Variants in AP3S1 observed in about 807,000 individuals in gnomAD.
The protein encoded by AP3S1 is AP-3 complex subunit sigma-1.
Under a neutral mutation model 21.3 loss-of-function variants are expected in AP3S1, and 12 were observed. The observed-to-expected ratio is 0.56, with a 90% CI of 0.36 to 0.91. The LOEUF (loss-of-function observed/expected upper bound fraction) is 0.91. Among genes scored for constraint, AP3S1 ranks in the 40% least tolerant of loss-of-function variants. AP3S1 has a pLI of 0.01. For missense variants in AP3S1, 116 were observed against 225.0 expected (o/e 0.52, Z 3.10); for synonymous variants, 48 against 78.4 (o/e 0.61, Z 2.05).
intron 1 of AP3S1, among the ~76,000 whole-genome samples, chr5:115,858,259 C>CCCAAAAATTTTGCTG (rs1392812023): frequency 6.6e-6 from 1 of 152,128 alleles, no homozygotes; most frequent in Non-Finnish European, 1.5e-5. Flanking sequence ...TGGCATGCTG[C>CCCAAAAATTTTGCTG]CCAAAAATTT....
chr5:115,895,230 C>A, intron 4 of AP3S1, 72 bp downstream of exon 4: 1 of 1,032,922 alleles, frequency 9.7e-7, no homozygotes. Flanking sequence ...GCAAAAATGG[C>A]TTTAATGAAT....
chr5:115,866,641 C>T, intron 1 of AP3S1, 29 bp from the exon 2 acceptor site: 1 of 1,482,280 alleles, frequency 6.7e-7, no homozygotes, highest in Non-Finnish European at 9.3e-7. Flanking sequence ...TACACTCCAT[C>T]CTAATATATA....
At chr5:115,860,181 TTC>T (rs1763072324) in intron 1 of AP3S1, among the ~76,000 whole-genome samples, 1 of 152,236 alleles carries the variant, frequency 6.6e-6, no homozygotes, top group Non-Finnish European at 1.5e-5. Context: ...ATATCTGTGA[TTC>T]TTTTTCTCTA....
At position 115,913,598 on chromosome 5, in the gene AP3S1, T is replaced by C. The variant is rs1752278851; in HGVS notation, c.*108T>C. 6.7e-7 allele frequency: 1 copy of C among 1,494,182 alleles called. No individual in the cohort carries two copies. The allele number at this position is 1,494,182 out of a possible 1,614,324, so 92.6% of individuals were successfully genotyped here. A position where few individuals can be genotyped will look rare whatever the true frequency, so the allele number is the denominator to read the frequency against. ...GGAGGAGAGTCTTAACTTTTGCTCT[T>C]GGATTTAAGTCAAGGTACTGTATAG... On this transcript the variant is annotated 3_prime_UTR_variant, in exon 6 of 6. Transcript: ENST00000316788.
At chr5:115,903,589 T>C (rs958902565) in intron 5 of AP3S1, 2 of 152,406 alleles carry the variant, frequency 1.3e-5, no homozygotes, top group African/African-American at 4.8e-5. Context: ...TATATATCCA[T>C]GGTCTTTATT....
chr5:115,894,535 G>A (rs769298352), intron 3 of AP3S1, among the ~76,000 whole-genome samples: 1 of 152,192 alleles, frequency 6.6e-6, no homozygotes, highest in Non-Finnish European at 1.5e-5. Context: ...TGCAGAGTTT[G>A]AGCAACGCAA....
At chr5:115,866,137 G>GT (rs1763597000) in intron 1 of AP3S1, among the ~76,000 whole-genome samples, 2 of 152,150 alleles carry the variant, frequency 1.3e-5, no homozygotes. Flanking sequence ...CTTGGTCCAG[G>GT]TTAATAAATG....
intron 3 of AP3S1, among the ~76,000 whole-genome samples, chr5:115,891,341 C>T (rs1412763870): frequency 6.6e-6 from 1 of 152,042 alleles, no homozygotes; most frequent in Non-Finnish European, 1.5e-5. Flanking sequence ...TGCTGGGTGT[C>T]CTGTAATTCA....
chr5:115,911,347 A>G (rs988605773), intron 5 of AP3S1, among the ~76,000 whole-genome samples: 1 of 152,022 alleles, frequency 6.6e-6, no homozygotes, highest in Non-Finnish European at 1.5e-5. Flanking sequence ...ACACACACAC[A>G]CACGCACAAT....
chr5:115,882,721 G>A (rs1422179106), intron 3 of AP3S1, among the ~76,000 whole-genome samples: 6 of 152,192 alleles, frequency 3.9e-5, no homozygotes, highest in Admixed American at 1.3e-4. Context: ...ATCAGAGCTC[G>A]AGCACTGTGC....
chr5:115,843,659 G>A (rs150481722), intron 1 of AP3S1, among the ~76,000 whole-genome samples: 28 of 152,280 alleles, frequency 1.8e-4, no homozygotes, highest in African/African-American at 6.7e-4. Context: ...AAGGTATGTT[G>A]CAATAGTAAA....
At chr5:115,892,543 G>A (rs867514635) in intron 3 of AP3S1, among the ~76,000 whole-genome samples, 57 of 152,280 alleles carry the variant, frequency 3.7e-4, no homozygotes, top group African/African-American at 1.3e-3. Context: ...TTAAGTGAAA[G>A]AAGCCAGACA....
intron 3 of AP3S1, among the ~76,000 whole-genome samples, chr5:115,871,610 A>G (rs1748256512): frequency 6.6e-6 from 1 of 152,086 alleles, no homozygotes; most frequent in South Asian, 2.1e-4. Flanking sequence ...CTTAAATTTC[A>G]TAATCATGGT....
At chr5:115,847,855 G>A (rs1309264417) in intron 1 of AP3S1, among the ~76,000 whole-genome samples, 1 of 152,092 alleles carries the variant, frequency 6.6e-6, no homozygotes, top group Non-Finnish European at 1.5e-5. Flanking sequence ...CTTGTAATAT[G>A]CAATACTGAA....
intron 1 of AP3S1, among the ~76,000 whole-genome samples, chr5:115,860,403 G>T (rs902475429): frequency 6.6e-6 from 1 of 152,068 alleles, no homozygotes; most frequent in East Asian, 1.9e-4. Flanking sequence ...CGTTTTTCTG[G>T]CTACCACAGT....
In AP3S1 at chr5:115,895,355, G is replaced by A. The variant is rs370212277; in HGVS notation, c.345+197G>A. 3.8e-3 allele frequency among the ~76,000 whole-genome samples: 573 copies of A among 152,148 alleles called. 3 individuals are homozygous for A. The highest frequency in any genetic ancestry group is 0.013 in the African/African-American group (537 of 41,490). On this transcript the variant is annotated intron_variant, in intron 4 of 5. Transcript: ENST00000316788. ...TGCCTTAGAGGAGTTCACATCGAAG[G>A]GTGGAAACAACGGCATTAACAAATA... is the stretch of plus-strand genomic sequence containing the variant.
chr5:115,849,903 A>AC (rs1416022249), intron 1 of AP3S1, among the ~76,000 whole-genome samples: 1 of 152,098 alleles, frequency 6.6e-6, no homozygotes, highest in East Asian at 1.9e-4. Context: ...CTAAAAAAAA[A>AC]ACAAAAACAA....
At chr5:115,895,943 A>G (rs1285715953) in intron 4 of AP3S1, among the ~76,000 whole-genome samples, 1 of 152,212 alleles carries the variant, frequency 6.6e-6, no homozygotes, top group Non-Finnish European at 1.5e-5. Flanking sequence ...TGCCAGTATT[A>G]GTAGATATTT....
At chr5:115,878,972 G>A (rs189692521) in intron 3 of AP3S1, among the ~76,000 whole-genome samples, 52 of 152,248 alleles carry the variant, frequency 3.4e-4, no homozygotes, top group African/African-American at 1.1e-3. Context: ...GTGAATGGGA[G>A]TTCACTCCTA....
Sources: gnomAD v4.1 joint callset for allele counts (sites outside exome capture counted in the v4.1 genomes callset) on GRCh38, gnomAD v4.1.1 for gene constraint, MANE v1.5 for transcripts, NCBI Gene and HGNC (gene_info 2026-07-23, HGNC 2026-07-21) for gene names.